Variants in SGSH observed in about 807,000 individuals in gnomAD.
SGSH encodes N-sulfoglucosamine sulfohydrolase.
SGSH carries 48 observed loss-of-function variants against 51.0 expected under a neutral mutation model. That is an observed-to-expected ratio of 0.94 (90% confidence interval 0.75 to 1.20). SGSH has a LOEUF of 1.20. Ranked by LOEUF, SGSH falls within the 50% of genes most tolerant of loss-of-function variation. SGSH has a pLI of 0.00. For missense variants in SGSH, 662 were observed against 717.8 expected, an observed-to-expected ratio of 0.92 and a Z score of 0.89; for synonymous variants, 321 against 313.4, an observed-to-expected ratio of 1.02 and a Z score of -0.26.
Position 80,220,251 on chromosome 17 carries a change from A to G in SGSH, c.63T>C (p.Arg21=), listed in dbSNP as rs1413744139. The G allele has an allele frequency of 1.3e-6, 2 of 1,522,998 alleles. No individual in the cohort carries two copies. The highest frequency in any genetic ancestry group is 2.8e-5 in the African/African-American group (2 of 71,406). The allele number at this position is 1,522,998 out of a possible 1,614,324, so 94.3% of individuals were successfully genotyped here. Residue 21 remains arginine (R), a synonymous_variant, in exon 1 of 8, where the codon CGT becomes CGC. Transcript: ENST00000326317. ...CGAGGAGCAGCAGTGCGTTCCGGGG[A>G]CGCGCCCGGCAGAGCCCCAGGACTA... The part of the protein sequence containing the change: ...LLLVLGLCRA[R]PRNALLLLAD...
At position 80,212,500 on chromosome 17, in the gene SGSH, C is replaced by A; in HGVS notation, c.746-226G>T. The A allele has an allele frequency of 1.7e-6, 1 of 594,592 alleles. No homozygotes were observed. Among genetic ancestry groups the A allele is most frequent in the East Asian group, 2.9e-5 (1 of 34,366 alleles). 36.8% of individuals were successfully genotyped at this position (594,592 alleles called of 1,614,324 possible). On this transcript the variant is annotated intron_variant, in intron 6 of 7. Transcript: ENST00000326317. The surrounding 1 kb of genome is among the most constrained non-coding windows in gnomAD (Gnocchi z 5.9). ...CAGGCCTCGAATGGGCCTCCAGGGA[C>A]TCCAGCCATCCCTTGGCACTTCTGT... is the stretch of plus-strand genomic sequence containing the variant.
intron 7 of SGSH, chr17:80,211,728 T>G (rs2269376): frequency 0.46 from 176,724 of 384,758 alleles, 42,584 homozygotes; most frequent in African/African-American, 0.68. Context: ...CAAGATCTAC[T>G]GAATCGGACA....
chr17:80,210,385 C>T lies in SGSH; in HGVS notation c.*67G>A. 6.7e-7 allele frequency: 1 copy of T among 1,493,984 alleles called. No homozygotes were observed. The highest frequency in any genetic ancestry group is 2.4e-5 in the East Asian group (1 of 41,018). 92.5% of individuals were successfully genotyped at this position (1,493,984 alleles called of 1,614,324 possible). A position where few individuals can be genotyped will look rare whatever the true frequency, so the allele number is the denominator to read the frequency against. On this transcript the variant is annotated 3_prime_UTR_variant, in exon 8 of 8. Coordinates refer to ENST00000326317, the MANE Select transcript of SGSH (RefSeq NM_000199.5). ...TGCCACTACTCCCCAGGCTGGCCGGCCACACGGACACGTGTGGGATGTGTC... is the reference window on the plus strand; with the variant it reads ...TGCCACTACTCCCCAGGCTGGCCGGTCACACGGACACGTGTGGGATGTGTC...
At chr17:80,201,725 C>A (rs1221006005), downstream of SGSH, 1 of 1,613,556 alleles carries the variant, frequency 6.2e-7, no homozygotes, top group African/African-American at 1.3e-5. This position sits in a 1 kb window ranked among gnomAD's most constrained non-coding sequence, Gnocchi z 5.0. Flanking sequence ...AGAGACTGAC[C>A]TTCTCGACTT....
Position 80,212,038 on chromosome 17 carries a change from C to A in SGSH, c.949+33G>T. The A allele has an allele frequency of 6.3e-7, 1 of 1,592,842 alleles. No individual in the cohort carries two copies. The highest frequency in any genetic ancestry group is 1.1e-5 in the South Asian group (1 of 90,628). On this transcript the variant is annotated intron_variant, in intron 7 of 7. Coordinates refer to ENST00000326317, the MANE Select transcript of SGSH (RefSeq NM_000199.5). The surrounding 1 kb of genome is among the most constrained non-coding windows in gnomAD (Gnocchi z 5.9). ...TGGCCCCGTCCCAGATCCACTCCCACACCTTTCCTGACGGAGACAGACAAA... is the reference window on the plus strand; with the variant it reads ...TGGCCCCGTCCCAGATCCACTCCCAAACCTTTCCTGACGGAGACAGACAAA...
chr17:80,217,310 A>C (rs1344680667), intron 1 of SGSH, 118 bp from the exon 2 acceptor site: 3 of 1,213,136 alleles, frequency 2.5e-6, no homozygotes, highest in Non-Finnish European at 3.5e-6. Flanking sequence ...TGGGCATGGT[A>C]CTGGCTCAGT....
At chr17:80,204,854 C>A, downstream of SGSH, 2 of 567,262 alleles carry the variant, frequency 3.5e-6, no homozygotes, top group Non-Finnish European at 6.2e-6. Context: ...TGCAAAGGAG[C>A]CGCTCAGCCA....
At chr17:80,215,994 A>T (rs191246390) in intron 2 of SGSH, among the ~76,000 whole-genome samples, 1 of 151,838 alleles carries the variant, frequency 6.6e-6, no homozygotes, top group Non-Finnish European at 1.5e-5. Context: ...GTGCTACAGC[A>T]TATGGTTAAC....
chr17:80,213,949 C>G lies in SGSH; in HGVS notation c.664-64G>C, dbSNP rs1176843395. ...GACCGGGGGAGCGGTGTCCAGCCTT[C>G]TCCCCGGGGCCTCCTGCAAATGGGT... On this transcript the variant is annotated intron_variant, in intron 5 of 7. Coordinates refer to ENST00000326317, the MANE Select transcript of SGSH (RefSeq NM_000199.5). This position sits in a 1 kb window ranked among gnomAD's most constrained non-coding sequence, Gnocchi z 4.6. The G allele has an allele frequency of 1.5e-5, 22 of 1,485,190 alleles. No homozygotes were observed. Among genetic ancestry groups the G allele is most frequent in the Non-Finnish European group, 1.8e-5 (20 of 1,088,716 alleles). The allele number at this position is 1,485,190 out of a possible 1,614,324, so 92.0% of individuals were successfully genotyped here.
chr17:80,202,989 C>T (rs115426502), downstream of SGSH: 2,524 of 154,956 alleles, frequency 0.016, 70 homozygotes, highest in African/African-American at 0.057. Flanking sequence ...TGCTCTAGGC[C>T]GAGCATGGTG....
Position 80,210,493 on chromosome 17 carries a change from T to C in SGSH, c.1468A>G (p.Lys490Glu). The C allele has an allele frequency of 6.2e-7, 1 of 1,604,346 alleles. No individual in the cohort carries two copies. The highest frequency in any genetic ancestry group is 8.5e-7 in the Non-Finnish European group (1 of 1,179,002). The change falls in exon 8 of 8, where the codon AAG (lysine) becomes GAG (glutamate). Residue 490 changes from lysine to glutamate, a missense_variant. By Grantham distance (56) the Lys-to-Glu change is moderately conservative. Transcript: ENST00000326317. Reference protein sequence around the residue: ...VCAPDGVLEEKLSPQCQPLHN... With the variant: ...VCAPDGVLEEELSPQCQPLHN... ...AGGGGCTGGCACTGGGGAGAGAGCT[T>C]CTCCTCCAGGACGCCGTCGGGGGCG...
downstream of SGSH, chr17:80,205,292 C>A: frequency 7.9e-7 from 1 of 1,265,470 alleles, no homozygotes; most frequent in Non-Finnish European, 1.1e-6. Flanking sequence ...CCCTTCCTCC[C>A]TCCTCCTTCC....
downstream of SGSH, chr17:80,202,185 A>C: frequency 6.2e-7 from 1 of 1,613,412 alleles, no homozygotes; most frequent in South Asian, 1.1e-5. Flanking sequence ...ATCAGGTTAT[A>C]AGAGGCTACT....
downstream of SGSH, chr17:80,202,797 T>C (rs1226215935): frequency 7.7e-6 from 2 of 258,700 alleles, no homozygotes; most frequent in African/African-American, 2.2e-5. Flanking sequence ...ATGCCCCAGC[T>C]GTGACAACCA....
At chr17:80,200,965 T>C in the SGSH span, 129,987 of 152,398 alleles carry the variant, frequency 0.85, 55,894 homozygotes, top group East Asian at 0.96. Flanking sequence ...AATGCTCACT[T>C]GCCCACCACG....
At chr17:80,202,750 C>A, downstream of SGSH, 1 of 417,616 alleles carries the variant, frequency 2.4e-6, no homozygotes, top group Non-Finnish European at 3.8e-6. Context: ...AGAGCAGCAT[C>A]CCTGGCCGCC....
rs1408959675 is a variant in SGSH, at chr17:80,210,453, C to T, written c.1508G>A (p.Ter503=). Residue 503 remains the stop codon, a stop_retained_variant, in exon 8 of 8, where the codon TGA becomes TAA. Coordinates refer to ENST00000326317, the MANE Select transcript of SGSH (RefSeq NM_000199.5). The part of the protein sequence containing the change: ...PQCQPLHNEL[*] ...GTGTGCACAGGCCTCCTGGGATGGT[C>T]ACAGCTCATTGTGGAGGGGCTGGCA... 12 of 1,592,870 alleles carry T rather than the reference C, an allele frequency of 7.5e-6. No homozygotes were observed. Among genetic ancestry groups the T allele is most frequent in the Non-Finnish European group, 1.0e-5 (12 of 1,175,288 alleles).
At chr17:80,203,677 C>G, downstream of SGSH, 1 of 607,348 alleles carries the variant, frequency 1.6e-6, no homozygotes, top group Non-Finnish European at 2.9e-6. The surrounding 1 kb of genome is among the most constrained non-coding windows in gnomAD (Gnocchi z 4.6). Flanking sequence ...GCGCTCCAGC[C>G]TGCAGCAAAG....
intron 2 of SGSH, among the ~76,000 whole-genome samples, chr17:80,216,122 A>G (rs1436972146): frequency 6.6e-6 from 1 of 152,140 alleles, no homozygotes; most frequent in African/African-American, 2.4e-5. Flanking sequence ...TGAGGCCAGG[A>G]GTTCGAAACC....
Sources: gnomAD v4.1 joint callset for allele counts (sites outside exome capture counted in the v4.1 genomes callset) on GRCh38, gnomAD v4.1.1 for gene constraint, Gnocchi (gnomAD v3.1) non-coding constraint, MANE v1.5 for transcripts, NCBI Gene and HGNC (gene_info 2026-07-23, HGNC 2026-07-21) for gene names.